RARB: variants seen among roughly 807,000 people sequenced by gnomAD.
The protein encoded by RARB is HBV-activated protein.
In RARB, 17 loss-of-function variants were observed where a neutral mutation model predicts 51.9. The observed-to-expected ratio is 0.33, with a 90% CI of 0.22 to 0.49. RARB has a LOEUF of 0.49. RARB is among the 20% of genes least tolerant of loss of function. The pLI is 0.99. For missense variants in RARB, 369 were observed against 550.8 expected, an observed-to-expected ratio of 0.67 and a Z score of 3.30; for synonymous variants, 215 against 195.4, an observed-to-expected ratio of 1.10 and a Z score of -0.84.
chr3:25,590,568 T>C (rs891502080), intron 5 of RARB, among the ~76,000 whole-genome samples: 4 of 152,186 alleles, frequency 2.6e-5, no homozygotes, highest in African/African-American at 9.7e-5. Context: ...TCACCCAGGC[T>C]GAAGTGCAGT....
intron 5 of RARB, among the ~76,000 whole-genome samples, chr3:25,294,375 C>T (rs1053614447): frequency 3.9e-5 from 6 of 152,174 alleles, no homozygotes; most frequent in Admixed American, 3.9e-4. Flanking sequence ...TGAATTCATT[C>T]TCTCTACCAG....
At chr3:25,213,450 CATTT>C (rs1468558327) in intron 5 of RARB, among the ~76,000 whole-genome samples, 1 of 152,144 alleles carries the variant, frequency 6.6e-6, no homozygotes, top group Non-Finnish European at 1.5e-5. Flanking sequence ...TACCACATCT[CATTT>C]ATTCATTCTA....
intron 1 of RARB, chr3:25,441,064 T>G: frequency 9.2e-6 from 1 of 108,370 alleles, no homozygotes; most frequent in Non-Finnish European, 1.7e-5. Flanking sequence ...GAACTACCAA[T>G]AACAGGAAGA....
At chr3:25,023,074 A>G (rs756737479) in intron 2 of RARB, among the ~76,000 whole-genome samples, 1 of 152,202 alleles carries the variant, frequency 6.6e-6, no homozygotes, top group Non-Finnish European at 1.5e-5. Context: ...GGGTATTGAT[A>G]GGCAGCTACT....
chr3:24,981,634 A>G (rs1322495966), intron 2 of RARB, among the ~76,000 whole-genome samples: 1 of 152,108 alleles, frequency 6.6e-6, no homozygotes, highest in Admixed American at 6.6e-5. Context: ...TGTGAAGACC[A>G]TGGGAAAAGC....
chr3:25,288,538 G>C (rs1164756283), intron 5 of RARB, among the ~76,000 whole-genome samples: 1 of 152,104 alleles, frequency 6.6e-6, no homozygotes, highest in Non-Finnish European at 1.5e-5. Context: ...ATGAGCCCAG[G>C]ACACTATTTG....
chr3:24,930,178 A>C (rs1324854513), intron 2 of RARB, among the ~76,000 whole-genome samples: 1 of 152,120 alleles, frequency 6.6e-6, no homozygotes, highest in Non-Finnish European at 1.5e-5. Context: ...TAATGACAAC[A>C]AGAAATATAA....
At chr3:25,151,712 C>A (rs1033833329) in intron 4 of RARB, among the ~76,000 whole-genome samples, 5 of 152,076 alleles carry the variant, frequency 3.3e-5, no homozygotes, top group African/African-American at 1.2e-4. Context: ...ATATATGGAC[C>A]AATCGGATGG....
chr3:25,078,034 G>C (rs544854749), intron 3 of RARB, among the ~76,000 whole-genome samples: 1 of 151,196 alleles, frequency 6.6e-6, no homozygotes, highest in Admixed American at 6.6e-5. Context: ...GACTTCTATT[G>C]AATTCCAGAG....
intron 5 of RARB, among the ~76,000 whole-genome samples, chr3:25,261,909 C>T (rs1054891698): frequency 6.6e-6 from 1 of 152,098 alleles, no homozygotes; most frequent in African/African-American, 2.4e-5. Flanking sequence ...CCACCATCTC[C>T]CATCTCAACC....
intron 4 of RARB, among the ~76,000 whole-genome samples, chr3:25,173,958 G>C (rs1044300503): frequency 6.6e-6 from 1 of 152,186 alleles, no homozygotes; most frequent in Non-Finnish European, 1.5e-5. Context: ...GTCTATGTTA[G>C]AATGTGAGAA....
intron 5 of RARB, among the ~76,000 whole-genome samples, chr3:25,368,494 T>C (rs1483224253): frequency 6.6e-6 from 1 of 152,170 alleles, no homozygotes; most frequent in Non-Finnish European, 1.5e-5. Context: ...CTGTAATATA[T>C]TATTTGTGCA....
intron 3 of RARB, among the ~76,000 whole-genome samples, chr3:25,079,694 T>TA (rs1343436010): frequency 6.6e-6 from 1 of 152,180 alleles, no homozygotes; most frequent in Non-Finnish European, 1.5e-5. Context: ...GATTAATTTT[T>TA]AAAAAATATA....
At chr3:25,288,317 G>A (rs1212490901) in intron 5 of RARB, among the ~76,000 whole-genome samples, 2 of 152,076 alleles carry the variant, frequency 1.3e-5, no homozygotes, top group Non-Finnish European at 2.9e-5. Context: ...GTGAAACTTT[G>A]GAACTGAGTT....
intron 2 of RARB, among the ~76,000 whole-genome samples, chr3:24,867,610 C>T (rs1301328401): frequency 6.6e-6 from 1 of 152,082 alleles, no homozygotes; most frequent in Non-Finnish European, 1.5e-5. Context: ...GGGAGGGAGC[C>T]TTTGGTCTCA....
chr3:25,448,134 G>A (rs967175692), intron 1 of RARB, among the ~76,000 whole-genome samples: 3 of 151,958 alleles, frequency 2.0e-5, no homozygotes, highest in African/African-American at 7.3e-5. Context: ...AAGTAGGAGA[G>A]TGAGGATTTG....
intron 3 of RARB, among the ~76,000 whole-genome samples, chr3:25,501,742 G>T (rs1263548335): frequency 6.6e-6 from 1 of 152,180 alleles, no homozygotes; most frequent in East Asian, 1.9e-4. Flanking sequence ...CCTTTTTTAG[G>T]AGGGAAGGAT....
At chr3:24,854,582 A>G (rs1702608885) in intron 1 of RARB, among the ~76,000 whole-genome samples, 1 of 152,072 alleles carries the variant, frequency 6.6e-6, no homozygotes, top group African/African-American at 2.4e-5. Context: ...CAAATCAGAA[A>G]CTCTGGAGGT....
intron 2 of RARB, among the ~76,000 whole-genome samples, chr3:24,964,211 G>A (rs1166995681): frequency 6.6e-6 from 1 of 151,626 alleles, no homozygotes; most frequent in Non-Finnish European, 1.5e-5. Context: ...CTGTGGAAAT[G>A]TTTTCTGCTA....
Sources: allele counts gnomAD v4.1 joint callset (sites outside exome capture counted in the v4.1 genomes callset), GRCh38; gene constraint gnomAD v4.1.1; transcripts MANE v1.5; gene names NCBI Gene and HGNC (gene_info 2026-07-23, HGNC 2026-07-21).